Variants in AP3S1 observed in about 807,000 individuals in gnomAD.
AP3S1 encodes the protein adaptor related protein complex 3 subunit sigma 1.
In AP3S1, 12 loss-of-function variants were observed where a neutral mutation model predicts 21.3. The ratio of observed to expected loss-of-function variants is 0.56; its 90% confidence interval spans 0.36 to 0.91. The LOEUF (loss-of-function observed/expected upper bound fraction) is 0.91. AP3S1 is among the 40% of genes least tolerant of loss of function. The pLI, the probability that AP3S1 is intolerant of heterozygous loss-of-function variation, is 0.01. For missense variants in AP3S1, 116 were observed against 225.0 expected (o/e 0.52, Z 3.10); for synonymous variants, 48 against 78.4 (o/e 0.61, Z 2.05).
At chr5:115,881,964 G>C (rs1487032225) in intron 3 of AP3S1, among the ~76,000 whole-genome samples, 2 of 151,338 alleles carry the variant, frequency 1.3e-5, no homozygotes, top group Non-Finnish European at 2.9e-5. Flanking sequence ...TTCAATCTCC[G>C]ATATCCTTTC....
chr5:115,912,540 C>T (rs73253168), intron 5 of AP3S1, among the ~76,000 whole-genome samples: 2,381 of 152,050 alleles, frequency 0.016, 58 homozygotes, highest in African/African-American at 0.052. Flanking sequence ...AAATATTATG[C>T]ACTAGTGGTA....
At chr5:115,894,077 A>T (rs765198730) in intron 3 of AP3S1, among the ~76,000 whole-genome samples, 1 of 152,228 alleles carries the variant, frequency 6.6e-6, no homozygotes, top group African/African-American at 2.4e-5. Flanking sequence ...AAGTTGCTAT[A>T]TGCATGCTAT....
intron 2 of AP3S1, 58 bp from the exon 3 acceptor site, chr5:115,869,959 C>A: frequency 9.3e-7 from 1 of 1,073,188 alleles, no homozygotes; most frequent in Non-Finnish European, 1.4e-6. Context: ...TTTGCTTGAG[C>A]TAATGAAAAT....
intron 3 of AP3S1, among the ~76,000 whole-genome samples, chr5:115,890,126 A>T (rs1382254072): frequency 6.6e-6 from 1 of 152,208 alleles, no homozygotes; most frequent in East Asian, 1.9e-4. Flanking sequence ...CGACTCTTTG[A>T]CCTAGCAGTT....
intron 5 of AP3S1, among the ~76,000 whole-genome samples, chr5:115,906,471 A>G (rs988174963): frequency 6.6e-6 from 1 of 152,220 alleles, no homozygotes; most frequent in African/African-American, 2.4e-5. Context: ...CAGATCCTGA[A>G]AGAGAGAAGC....
At chr5:115,896,620 A>G (rs1001197852) in intron 4 of AP3S1, among the ~76,000 whole-genome samples, 1 of 152,144 alleles carries the variant, frequency 6.6e-6, no homozygotes, top group African/African-American at 2.4e-5. Flanking sequence ...CTCTACAAAA[A>G]ATACAAAAAT....
chr5:115,901,554 T>G (rs1751213896), intron 4 of AP3S1, among the ~76,000 whole-genome samples: 1 of 136,772 alleles, frequency 7.3e-6, no homozygotes. Context: ...TAATGATGAC[T>G]TTTTTTTTTT....
At chr5:115,859,822 C>A (rs1002004931) in intron 1 of AP3S1, among the ~76,000 whole-genome samples, 2 of 152,202 alleles carry the variant, frequency 1.3e-5, no homozygotes, top group Admixed American at 6.5e-5. Context: ...TGAAGAAGGC[C>A]TGCCTCTAGG....
intron 5 of AP3S1, among the ~76,000 whole-genome samples, chr5:115,911,097 T>G (rs1752067269): frequency 6.6e-6 from 1 of 152,164 alleles, no homozygotes; most frequent in South Asian, 2.1e-4. Context: ...ATTGACTTTA[T>G]GTATTCTTGT....
chr5:115,860,401 T>C (rs1763088281), intron 1 of AP3S1, among the ~76,000 whole-genome samples: 1 of 152,244 alleles, frequency 6.6e-6, no homozygotes, highest in African/African-American at 2.4e-5. Flanking sequence ...GCCGTTTTTC[T>C]GGCTACCACA....
Position 115,908,575 on chromosome 5 carries a change from C to G in AP3S1, c.454-4787C>G, listed in dbSNP as rs139593458. Among the ~76,000 whole-genome samples, 780 of 152,142 alleles carry G rather than the reference C, an allele frequency of 5.1e-3. 2 individuals carry two copies. Among genetic ancestry groups the G allele is most frequent in the South Asian group, 7.3e-3 (35 of 4,808 alleles). ...TCCATGAAAGTCATTAGTCTGCTCTCTTTTTTTCATGCAGGCAAATCCTAT... is the reference window on the plus strand; with the variant it reads ...TCCATGAAAGTCATTAGTCTGCTCTGTTTTTTTCATGCAGGCAAATCCTAT... On this transcript the variant is annotated intron_variant, in intron 5 of 5. Coordinates refer to ENST00000316788, the MANE Select transcript of AP3S1 (RefSeq NM_001284.4).
At chr5:115,875,996 A>G (rs1481080894) in intron 3 of AP3S1, among the ~76,000 whole-genome samples, 1 of 152,108 alleles carries the variant, frequency 6.6e-6, no homozygotes, top group Non-Finnish European at 1.5e-5. Context: ...CTGCTTTTCT[A>G]ATTTACATGT....
Position 115,881,025 on chromosome 5 carries a change from C to CT in AP3S1, c.273+10907dup, listed in dbSNP as rs535455509. Among the ~76,000 whole-genome samples, 1,109 of 146,152 alleles carry CT rather than the reference C, an allele frequency of 7.6e-3. 9 individuals carry two copies. The highest frequency in any genetic ancestry group is 0.023 in the South Asian group (107 of 4,586). Reference sequence around the variant, plus strand: ...TTGGAGACAAGGATTGCAACCCCTGCTTTTTTTTTTGCTTTCCATTTTCTT... The same window carrying CT: ...TTGGAGACAAGGATTGCAACCCCTGCTTTTTTTTTTTGCTTTCCATTTTCTT... On this transcript the variant is annotated intron_variant, in intron 3 of 5. Transcript: ENST00000316788.
At chr5:115,863,870 G>A (rs1763395031) in intron 1 of AP3S1, among the ~76,000 whole-genome samples, 1 of 152,212 alleles carries the variant, frequency 6.6e-6, no homozygotes, top group Admixed American at 6.5e-5. Flanking sequence ...AAAATGTCAA[G>A]ATGACAGGAG....
intron 1 of AP3S1, among the ~76,000 whole-genome samples, chr5:115,854,737 T>C (rs1179966167): frequency 1.3e-5 from 2 of 152,070 alleles, no homozygotes; most frequent in Non-Finnish European, 1.5e-5. Context: ...TTTTCTTGAT[T>C]CTGTGATTTT....
chr5:115,842,797 A>G (rs1261988973), intron 1 of AP3S1, among the ~76,000 whole-genome samples: 1 of 152,154 alleles, frequency 6.6e-6, no homozygotes, highest in Non-Finnish European at 1.5e-5. Context: ...CAGGCTTTTT[A>G]CCAGCTGGCT....
chr5:115,879,478 C>G (rs961074906), intron 3 of AP3S1, among the ~76,000 whole-genome samples: 3 of 152,156 alleles, frequency 2.0e-5, no homozygotes, highest in African/African-American at 7.2e-5. Flanking sequence ...GTGACTGGTT[C>G]TGTTTATGTG....
intron 5 of AP3S1, among the ~76,000 whole-genome samples, chr5:115,908,363 AAAT>A (rs1172475671): frequency 2.6e-5 from 4 of 152,142 alleles, no homozygotes; most frequent in African/African-American, 9.7e-5. Context: ...TTTTTAAAAA[AAAT>A]CAAGTTTCTG....
intron 1 of AP3S1, among the ~76,000 whole-genome samples, chr5:115,866,419 G>A (rs1207289106): frequency 6.6e-6 from 1 of 151,754 alleles, no homozygotes; most frequent in Non-Finnish European, 1.5e-5. Flanking sequence ...ATTTTTTCTT[G>A]TTGGTTTTTG....
Sources: gnomAD v4.1 joint callset for allele counts (sites outside exome capture counted in the v4.1 genomes callset) on GRCh38, gnomAD v4.1.1 for gene constraint, MANE v1.5 for transcripts, NCBI Gene and HGNC (gene_info 2026-07-23, HGNC 2026-07-21) for gene names.